ARHGAP15: variants seen among roughly 807,000 people sequenced by gnomAD.
ARHGAP15 encodes Rho GTPase activating protein 15.
In ARHGAP15, 51 loss-of-function variants were observed where a neutral mutation model predicts 63.7. The ratio of observed to expected loss-of-function variants is 0.80; its 90% CI spans 0.64 to 1.01. The LOEUF (loss-of-function observed/expected upper bound fraction) is 1.01, where lower values mean the gene tolerates loss of function less well. Among genes scored for constraint, ARHGAP15 ranks in the 50% least tolerant of loss-of-function variants. The pLI is 0.00. For missense variants in ARHGAP15, 560 were observed against 564.6 expected (o/e 0.99, Z 0.08); for synonymous variants, 191 against 193.8 (o/e 0.99, Z 0.12).
chr2:143,233,904 C>G (rs1218155258), intron 5 of ARHGAP15, among the ~76,000 whole-genome samples: 1 of 152,152 alleles, frequency 6.6e-6, no homozygotes, highest in East Asian at 1.9e-4. Flanking sequence ...CTCACCCTCC[C>G]AAAGTGCTGG....
Position 143,198,904 on chromosome 2 carries a change from T to C in ARHGAP15, c.166-3230T>C, listed in dbSNP as rs562994727. 3.9e-5 allele frequency among the ~76,000 whole-genome samples: 6 copies of C among 152,290 alleles called. No homozygotes were observed. The South Asian group carries it at 1.2e-3, about 32-fold the overall frequency. On this transcript the variant is annotated intron_variant, in intron 2 of 13. Transcript: ENST00000295095. ...TACTTTTGTCCTAAGAATGGGAATC[T>C]AGTTGGGTTTTAAGGAAATAGAACA...
At chr2:143,513,260 G>T (rs1028342003) in intron 9 of ARHGAP15, among the ~76,000 whole-genome samples, 3 of 152,080 alleles carry the variant, frequency 2.0e-5, no homozygotes, top group African/African-American at 7.2e-5. Flanking sequence ...GGATGCACTT[G>T]CCTGGACCAC....
chr2:143,254,636 A>G (rs189579833), intron 6 of ARHGAP15, among the ~76,000 whole-genome samples: 16 of 152,238 alleles, frequency 1.1e-4, no homozygotes, highest in African/African-American at 3.8e-4. Flanking sequence ...TGAGAGTCTC[A>G]GAGCACTATA....
At chr2:143,693,426 CCCTCTT>C (rs1683701631) in intron 12 of ARHGAP15, among the ~76,000 whole-genome samples, 1 of 152,192 alleles carries the variant, frequency 6.6e-6, no homozygotes, top group Non-Finnish European at 1.5e-5. Flanking sequence ...GAATTCTACT[CCCTCTT>C]CATTATAAAA....
intron 13 of ARHGAP15, among the ~76,000 whole-genome samples, chr2:143,718,345 G>T (rs1684901941): frequency 6.6e-6 from 1 of 152,128 alleles, no homozygotes; most frequent in South Asian, 2.1e-4. Context: ...GAGGTTAGGG[G>T]CTGTCTTGGT....
At chr2:143,695,648 G>A (rs1056229266) in intron 12 of ARHGAP15, among the ~76,000 whole-genome samples, 3 of 152,058 alleles carry the variant, frequency 2.0e-5, no homozygotes, top group Non-Finnish European at 2.9e-5. Context: ...CGGGTGGATC[G>A]CTTGAGCCCA....
At chr2:143,583,135 A>T (rs1212338292) in intron 11 of ARHGAP15, among the ~76,000 whole-genome samples, 4 of 152,274 alleles carry the variant, frequency 2.6e-5, no homozygotes, top group African/African-American at 7.2e-5. Context: ...TTGTTAAGAG[A>T]TGGGGCTTAA....
At chr2:143,761,147 T>C (rs1362423630) in intron 13 of ARHGAP15, among the ~76,000 whole-genome samples, 5 of 152,186 alleles carry the variant, frequency 3.3e-5, no homozygotes, top group Non-Finnish European at 7.4e-5. Context: ...ATGGTTAGCA[T>C]AGATCCCCCC....
intron 2 of ARHGAP15, among the ~76,000 whole-genome samples, chr2:143,174,604 AT>A (rs1690938074): frequency 6.6e-6 from 1 of 152,104 alleles, no homozygotes; most frequent in African/African-American, 2.4e-5. Context: ...TTTATATGTG[AT>A]TTTTAACAAT....
At chr2:143,467,242 C>CTTTTTTTTTTTTTTTTTTTTTTTTT (rs202115707) in intron 8 of ARHGAP15, among the ~76,000 whole-genome samples, 7 of 57,916 alleles carry the variant, frequency 1.2e-4, no homozygotes, top group African/African-American at 4.5e-4. Context: ...ACTCCATGGC[C>CTTTTTTTTTTTTTTTTTTTTTTTTT]TTTTTTTTTT....
chr2:143,434,501 A>G (rs972429360), intron 6 of ARHGAP15, among the ~76,000 whole-genome samples: 1 of 152,110 alleles, frequency 6.6e-6, no homozygotes, highest in African/African-American at 2.4e-5. Context: ...CTTTAATGAT[A>G]GAATTATAGA....
chr2:143,435,456 TC>T, intron 6 of ARHGAP15, 144 bp from the exon 7 acceptor site: 3 of 1,274,604 alleles, frequency 2.4e-6, no homozygotes, highest in Non-Finnish European at 3.0e-6. Context: ...TGCTCCCAGT[TC>T]CCAGAAAGAC....
At chr2:143,468,973 C>A (rs779508094) in intron 8 of ARHGAP15, among the ~76,000 whole-genome samples, 8 of 152,154 alleles carry the variant, frequency 5.3e-5, no homozygotes, top group Non-Finnish European at 1.0e-4. Context: ...CCAGACAATG[C>A]CTATCCAGCC....
chr2:143,289,483 C>A (rs1682281367), intron 6 of ARHGAP15, among the ~76,000 whole-genome samples: 1 of 152,144 alleles, frequency 6.6e-6, no homozygotes, highest in Non-Finnish European at 1.5e-5. Flanking sequence ...ATTAAGTATA[C>A]ACTTTGTCTG....
At chr2:143,369,442 G>C (rs559487941) in intron 6 of ARHGAP15, among the ~76,000 whole-genome samples, 1 of 152,014 alleles carries the variant, frequency 6.6e-6, no homozygotes, top group Non-Finnish European at 1.5e-5. Context: ...AAACCTTTGA[G>C]CTTAGAAGTG....
chr2:143,610,056 T>C (rs1456103390), intron 11 of ARHGAP15, among the ~76,000 whole-genome samples: 1 of 152,004 alleles, frequency 6.6e-6, no homozygotes, highest in African/African-American at 2.4e-5. Context: ...TGGTTCTTGC[T>C]TGGGAATATC....
At chr2:143,314,532 A>G (rs1446441660) in intron 6 of ARHGAP15, 2 of 152,206 alleles carry the variant, frequency 1.3e-5, no homozygotes, top group Non-Finnish European at 2.9e-5. Flanking sequence ...TTACTGGTAC[A>G]TAATTGGAAT....
chr2:143,556,789 G>T (rs892800656), intron 11 of ARHGAP15, among the ~76,000 whole-genome samples: 1 of 152,020 alleles, frequency 6.6e-6, no homozygotes, highest in Non-Finnish European at 1.5e-5. Flanking sequence ...TTCAAAAAAT[G>T]TTATTGGCTT....
At chr2:143,714,076 G>A (rs181714374) in intron 13 of ARHGAP15, among the ~76,000 whole-genome samples, 93 of 152,272 alleles carry the variant, frequency 6.1e-4, no homozygotes, top group Admixed American at 1.6e-3. Flanking sequence ...TTTCCCTTCC[G>A]CAATGCCCTA....
Sources: gnomAD v4.1 joint callset for allele counts (sites outside exome capture counted in the v4.1 genomes callset) on GRCh38, gnomAD v4.1.1 for gene constraint, MANE v1.5 for transcripts, NCBI Gene and HGNC (gene_info 2026-07-23, HGNC 2026-07-21) for gene names.